Variants in ARHGEF10L observed in about 807,000 individuals in gnomAD.
The protein encoded by ARHGEF10L is Rho guanine nucleotide exchange factor 10 like.
ARHGEF10L carries 69 observed loss-of-function variants against 141.2 expected under a neutral mutation model. The ratio of observed to expected loss-of-function variants is 0.49; its 90% CI spans 0.40 to 0.60. ARHGEF10L has a LOEUF of 0.60. Among genes scored for constraint, ARHGEF10L ranks in the 20% least tolerant of loss-of-function variants. The pLI, the probability that ARHGEF10L is intolerant of heterozygous loss-of-function variation, is 0.00. For missense variants in ARHGEF10L, 1,482 were observed against 1,734.3 expected (o/e 0.85, Z 2.58); for synonymous variants, 711 against 718.5 (o/e 0.99, Z 0.17).
rs1158990436 is a variant in ARHGEF10L at position 17,626,009 on chromosome 1, G to A, written c.1371G>A (p.Lys457=). The A allele has an allele frequency of 6.2e-7, 1 of 1,613,992 alleles. No homozygotes were observed. The highest frequency in any genetic ancestry group is 1.7e-5 in the Admixed American group (1 of 60,006). ...TCACCCTCTACGGGCTGATGGTCAA[G>A]CCCATCCAGAGGTTCCCACAGTTCA... ...DRVTLYGLMV[K]PIQRFPQFIL... Residue 457 remains lysine, a synonymous_variant, in exon 14 of 29, where the codon AAG becomes AAA. Transcript: ENST00000361221.
intron 1 of ARHGEF10L, among the ~76,000 whole-genome samples, chr1:17,564,162 C>T (rs547058199): frequency 3.9e-5 from 6 of 152,314 alleles, no homozygotes; most frequent in African/African-American, 9.6e-5. Context: ...CAGTGGGGCC[C>T]GTGTCTCAGG....
intron 22 of ARHGEF10L, 44 bp downstream of exon 22, chr1:17,648,719 C>T (rs369650405): frequency 1.3e-4 from 201 of 1,596,362 alleles, no homozygotes; most frequent in Middle Eastern, 2.3e-4. Flanking sequence ...AAGGTGGCTG[C>T]GGCTCCCCCT....
chr1:17,539,345 G>T (rs995428399), upstream of ARHGEF10L, among the ~76,000 whole-genome samples: 3 of 152,208 alleles, frequency 2.0e-5, no homozygotes, highest in African/African-American at 7.2e-5. This position sits in a 1 kb window ranked among gnomAD's most constrained non-coding sequence, Gnocchi z 6.0. Flanking sequence ...ATGTTGAAGT[G>T]GGGGAGGAGA....
chr1:17,520,757 G>C, the ARHGEF10L span, among the ~76,000 whole-genome samples: 1 of 152,222 alleles, frequency 6.6e-6, no homozygotes, highest in African/African-American at 2.4e-5. Context: ...GCGTGTGTAG[G>C]GGGGACTTCC....
chr1:17,522,283 C>T, the ARHGEF10L span, among the ~76,000 whole-genome samples: 5 of 152,186 alleles, frequency 3.3e-5, no homozygotes, highest in East Asian at 1.9e-4. Context: ...ATGAGGGCAG[C>T]GCCTCATCCT....
intron 15 of ARHGEF10L, among the ~76,000 whole-genome samples, chr1:17,628,045 A>AG (rs2060481301): frequency 6.6e-6 from 1 of 152,074 alleles, no homozygotes; most frequent in African/African-American, 2.4e-5. Context: ...AAAAAAAAAA[A>AG]AAGAAAATTG....
intron 26 of ARHGEF10L, among the ~76,000 whole-genome samples, chr1:17,675,862 ACAGGTGTG>A: frequency 1.4e-5 from 1 of 72,864 alleles, no homozygotes; most frequent in Non-Finnish European, 2.8e-5. Flanking sequence ...AGGTGTGGGT[ACAGGTGTG>A]GGTGCAGGTG....
At chr1:17,610,124 C>T (rs1015888589) in intron 7 of ARHGEF10L, among the ~76,000 whole-genome samples, 1 of 152,240 alleles carries the variant, frequency 6.6e-6, no homozygotes, top group Admixed American at 6.5e-5. Flanking sequence ...TCAGGCTTTC[C>T]AGCGGTGGTC....
chr1:17,621,878 T>A lies in ARHGEF10L; in HGVS notation c.957T>A (p.His319Gln). ...GGCCCGAGCAGGTGGTCCGGAGGCATATCCTGGGCTCCATCGTGCAGAGCG... is the reference window on the plus strand; with the variant it reads ...GGCCCGAGCAGGTGGTCCGGAGGCAAATCCTGGGCTCCATCGTGCAGAGCG... The part of the protein sequence containing the change: ...GLSPQQVVRR[H>Q]ILGSIVQSEG... The change falls in exon 11 of 29, where the codon CAT (histidine) becomes CAA (glutamine). Residue 319 changes from histidine to glutamine, a missense_variant. This residue lies in a region of ARHGEF10L where 392 missense variants were observed against 542.1 expected (regional missense o/e 0.72). Coordinates refer to ENST00000361221, the MANE Select transcript of ARHGEF10L (RefSeq NM_018125.4). This position sits in a 1 kb window ranked among gnomAD's most constrained non-coding sequence, Gnocchi z 4.1. 1.2e-6 allele frequency: 2 copies of A among 1,614,132 alleles called. No homozygotes were observed. Among genetic ancestry groups the A allele is most frequent in the Non-Finnish European group, 1.7e-6 (2 of 1,180,020 alleles).
intron 26 of ARHGEF10L, among the ~76,000 whole-genome samples, chr1:17,678,522 C>T (rs866963044): frequency 1.4e-4 from 21 of 150,188 alleles, no homozygotes; most frequent in African/African-American, 4.4e-4. Flanking sequence ...CAGGTTCAGG[C>T]GACTCTCCGG....
intron 1 of ARHGEF10L, among the ~76,000 whole-genome samples, chr1:17,545,115 G>A (rs2100650403): frequency 6.6e-6 from 1 of 152,316 alleles, no homozygotes; most frequent in African/African-American, 2.4e-5. Context: ...GTGTGGGTGT[G>A]TGTGTAATGT....
rs201907501 is a variant in ARHGEF10L at position 17,555,029 on chromosome 1, A to G, written c.-44+15079A>G. On this transcript the variant is annotated intron_variant, in intron 1 of 28. Coordinates refer to ENST00000361221, the MANE Select transcript of ARHGEF10L (RefSeq NM_018125.4). The stretch of plus-strand genomic sequence containing the variant: ...TAAATCCTAAGCATGTGTGTTGCCA[A>G]TATGGGTAGACTGTACCCAAGTCCC... 2.7e-4 allele frequency among the ~76,000 whole-genome samples: 41 copies of G among 152,340 alleles called. No homozygotes were observed. In the East Asian group the frequency reaches 5.6e-3, roughly 21 times the overall value.
intron 26 of ARHGEF10L, among the ~76,000 whole-genome samples, chr1:17,677,451 C>T (rs6665721): frequency 0.027 from 4,038 of 152,346 alleles, 176 homozygotes; most frequent in African/African-American, 0.092. Context: ...GTGTCTCCTT[C>T]GATCGGTGCC....
intron 26 of ARHGEF10L, among the ~76,000 whole-genome samples, chr1:17,683,208 C>T (rs906705582): frequency 7.7e-6 from 1 of 129,866 alleles, no homozygotes; most frequent in East Asian, 2.3e-4. Context: ...CCGGGGTGCT[C>T]ACTGCCCCCT....
intron 1 of ARHGEF10L, among the ~76,000 whole-genome samples, chr1:17,575,069 A>G (rs2078167371): frequency 6.6e-6 from 1 of 152,140 alleles, no homozygotes; most frequent in South Asian, 2.1e-4. Context: ...GGTCCCAAGC[A>G]GGGGAAGGTC....
At chr1:17,695,328 G>A (rs770888070) in intron 28 of ARHGEF10L, 48 bp downstream of exon 28, 215 of 1,533,998 alleles carry the variant, frequency 1.4e-4, no homozygotes, top group Non-Finnish European at 1.8e-4. Flanking sequence ...GTCAGCTGCA[G>A]GTGGCCAGTG....
At position 17,607,530 on chromosome 1, in the gene ARHGEF10L, T is replaced by C. The variant is rs574110329; in HGVS notation, c.434-272T>C. On this transcript the variant is annotated intron_variant, in intron 6 of 28. Coordinates refer to ENST00000361221, the MANE Select transcript of ARHGEF10L (RefSeq NM_018125.4). This position sits in a 1 kb window ranked among gnomAD's most constrained non-coding sequence, Gnocchi z 4.5. ...GAGCGCTGAGACCATACAAAAGCAG[T>C]GCTGGGAGCAAAAGGAAGTGAGCGG... Among the ~76,000 whole-genome samples, 3 of 152,324 alleles carry C rather than the reference T, an allele frequency of 2.0e-5. No homozygotes were observed. The South Asian group carries it at 6.2e-4, about 32-fold the overall frequency.
intron 15 of ARHGEF10L, among the ~76,000 whole-genome samples, chr1:17,628,657 G>A (rs2060512067): frequency 6.6e-6 from 1 of 152,154 alleles, no homozygotes; most frequent in African/African-American, 2.4e-5. Context: ...ATTTTCTGGG[G>A]AATAAACTGG....
At chr1:17,642,910 G>A (rs1028519566) in intron 21 of ARHGEF10L, among the ~76,000 whole-genome samples, 8 of 152,192 alleles carry the variant, frequency 5.3e-5, no homozygotes, top group Admixed American at 3.3e-4. Context: ...TGTTTGAACC[G>A]CATGTGCTTT....
Sources: allele counts gnomAD v4.1 joint callset (sites outside exome capture counted in the v4.1 genomes callset), GRCh38; gene constraint gnomAD v4.1.1; regional missense constraint gnomAD v4.1.1; non-coding constraint Gnocchi (gnomAD v3.1); transcripts MANE v1.5; gene names NCBI Gene and HGNC (gene_info 2026-07-23, HGNC 2026-07-21).